NFIB: variants seen among roughly 807,000 people sequenced by gnomAD.
The protein encoded by NFIB is nuclear factor I B.
In NFIB, 11 loss-of-function variants were observed where a neutral mutation model predicts 61.5. That is an observed-to-expected ratio of 0.18 (90% confidence interval 0.11 to 0.30). The LOEUF (loss-of-function observed/expected upper bound fraction) is 0.30. Ranked by LOEUF, NFIB falls within the 10% of genes least tolerant of loss-of-function variation. The pLI is 1.00. For synonymous variants in NFIB, 260 were observed against 216.5 expected (o/e 1.20, Z -1.76); for missense variants, 471 against 608.9 (o/e 0.77, Z 2.38).
the NFIB span, among the ~76,000 whole-genome samples, chr9:14,428,029 C>T: frequency 4.3e-5 from 6 of 139,452 alleles, no homozygotes; most frequent in Admixed American, 3.9e-4. Flanking sequence ...ACTGCAGCCT[C>T]GACCTCCCCA....
At chr9:14,338,883 T>G (rs992595453) in intron 1 of NFIB, among the ~76,000 whole-genome samples, 4 of 151,748 alleles carry the variant, frequency 2.6e-5, no homozygotes, top group East Asian at 1.9e-4. Context: ...TTCTTTCCTT[T>G]CTTTCTGAAC....
chr9:14,349,305 C>A (rs2061076314), intron 1 of NFIB, among the ~76,000 whole-genome samples: 1 of 152,130 alleles, frequency 6.6e-6, no homozygotes, highest in South Asian at 2.1e-4. Context: ...ATTTGAGGAG[C>A]ACACGGTCCC....
intron 2 of NFIB, among the ~76,000 whole-genome samples, chr9:14,243,895 C>A (rs1224897639): frequency 6.6e-6 from 1 of 152,182 alleles, no homozygotes; most frequent in Non-Finnish European, 1.5e-5. Context: ...ACAGATATGG[C>A]TGCAACTGCA....
chr9:14,366,598 G>A (rs2061302828), intron 1 of NFIB, among the ~76,000 whole-genome samples: 1 of 151,834 alleles, frequency 6.6e-6, no homozygotes, highest in African/African-American at 2.4e-5. Context: ...TGATTCTCCT[G>A]CTGCAGCCTC....
chr9:14,237,604 C>G (rs1331700106), intron 2 of NFIB, among the ~76,000 whole-genome samples: 5 of 152,154 alleles, frequency 3.3e-5, no homozygotes, highest in Non-Finnish European at 1.5e-5. Flanking sequence ...AATCTCGTCC[C>G]CACATACCAG....
intron 2 of NFIB, among the ~76,000 whole-genome samples, chr9:14,188,410 T>C (rs1445386958): frequency 6.6e-6 from 1 of 152,152 alleles, no homozygotes; most frequent in Non-Finnish European, 1.5e-5. Context: ...AGGGTGCTAA[T>C]GTAGAGGAGG....
At chr9:14,118,794 G>T (rs2038531604) in intron 8 of NFIB, among the ~76,000 whole-genome samples, 1 of 142,270 alleles carries the variant, frequency 7.0e-6, no homozygotes. Flanking sequence ...TGAGATGAGA[G>T]TAATATGCTT....
intron 1 of NFIB, among the ~76,000 whole-genome samples, chr9:14,337,079 C>T (rs573555365): frequency 2.6e-5 from 4 of 152,240 alleles, no homozygotes; most frequent in South Asian, 4.1e-4. Context: ...AAAAACCATT[C>T]GTAGCTCTCA....
intron 2 of NFIB, among the ~76,000 whole-genome samples, chr9:14,297,910 A>T (rs979257110): frequency 2.0e-5 from 3 of 152,322 alleles, no homozygotes; most frequent in African/African-American, 7.2e-5. Context: ...AAATTATTTC[A>T]CTGCTTCAGA....
chr9:14,146,316 C>T (rs1049621793), intron 6 of NFIB, among the ~76,000 whole-genome samples: 1 of 152,106 alleles, frequency 6.6e-6, no homozygotes. Flanking sequence ...TTGCAAACTG[C>T]TTAAAGTTTG....
At chr9:14,433,289 A>G in the NFIB span, among the ~76,000 whole-genome samples, 1 of 152,164 alleles carries the variant, frequency 6.6e-6, no homozygotes, top group African/African-American at 2.4e-5. Context: ...TTTGCCATAT[A>G]TGGACATTAT....
At chr9:14,226,937 C>T (rs1005365090) in intron 2 of NFIB, among the ~76,000 whole-genome samples, 3 of 151,732 alleles carry the variant, frequency 2.0e-5, no homozygotes, top group African/African-American at 7.3e-5. Context: ...GTCAGGAGTT[C>T]GTGACCAGCC....
chr9:14,164,693 CT>C (rs748230587), intron 3 of NFIB, among the ~76,000 whole-genome samples: 8 of 152,226 alleles, frequency 5.3e-5, no homozygotes, highest in South Asian at 2.1e-4. Flanking sequence ...TATTAGTAAA[CT>C]AAAAGTAACC....
At chr9:14,509,221 C>G in the NFIB span, among the ~76,000 whole-genome samples, 2 of 152,244 alleles carry the variant, frequency 1.3e-5, no homozygotes, top group Admixed American at 6.5e-5. Context: ...AAATCAGACA[C>G]TTTCTGGATA....
At chr9:14,426,804 C>T in the NFIB span, among the ~76,000 whole-genome samples, 2 of 152,190 alleles carry the variant, frequency 1.3e-5, no homozygotes, top group South Asian at 2.1e-4. Context: ...AACAGTCCTA[C>T]TTCCCTGCCT....
intron 1 of NFIB, chr9:14,362,995 T>C (rs2061257658): frequency 6.6e-6 from 1 of 152,142 alleles, no homozygotes; most frequent in Non-Finnish European, 1.5e-5. Flanking sequence ...TTCTCCTTTT[T>C]AGGGGCCTCT....
chr9:14,185,265 C>T lies in NFIB; in HGVS notation c.563-5485G>A, dbSNP rs541769761. The stretch of plus-strand genomic sequence containing the variant: ...CCTTAGGAACAATGCCGTGAAAAAA[C>T]GACCTGATTTCCCACCTTTCTAAGA... On this transcript the variant is annotated intron_variant, in intron 2 of 10. Coordinates refer to ENST00000380953, the MANE Select transcript of NFIB (RefSeq NM_001190737.2). Among the ~76,000 whole-genome samples, 22 of 152,234 alleles carry T rather than the reference C, an allele frequency of 1.4e-4. No homozygotes were observed. The South Asian group carries it at 4.3e-3, about 30-fold the overall frequency.
chr9:14,416,490 G>C, the NFIB span, among the ~76,000 whole-genome samples: 1 of 149,990 alleles, frequency 6.7e-6, no homozygotes, highest in South Asian at 2.1e-4. Context: ...GTGTGTGTTT[G>C]TGTCCTAGTT....
At chr9:14,472,575 T>C in the NFIB span, among the ~76,000 whole-genome samples, 1 of 152,238 alleles carries the variant, frequency 6.6e-6, no homozygotes, top group Non-Finnish European at 1.5e-5. Context: ...AGGATTGGTC[T>C]CACGCCTGTA....
Sources: gnomAD v4.1 joint callset for allele counts (sites outside exome capture counted in the v4.1 genomes callset) on GRCh38, gnomAD v4.1.1 for gene constraint, MANE v1.5 for transcripts, NCBI Gene and HGNC (gene_info 2026-07-23, HGNC 2026-07-21) for gene names.